The following PRDM5 variants were observed in gnomAD, a reference collection of about 807,000 sequenced individuals.
PRDM5 encodes PR domain zinc finger protein 5.
PRDM5 carries 56 observed loss-of-function variants against 81.2 expected under a neutral mutation model. The ratio of observed to expected loss-of-function variants is 0.69; its 90% CI spans 0.56 to 0.86. The LOEUF is 0.86. PRDM5 is among the 40% of genes least tolerant of loss of function. The pLI, the probability that PRDM5 is intolerant of heterozygous loss-of-function variation, is 0.00. For synonymous variants in PRDM5, 267 were observed against 256.4 expected (o/e 1.04, Z -0.39); for missense variants, 697 against 770.1 (o/e 0.91, Z 1.12).
chr4:120,853,491 G>T lies in PRDM5; in HGVS notation c.227C>A (p.Pro76Gln). The T allele has an allele frequency of 6.2e-7, 1 of 1,613,734 alleles. No individual in the cohort carries two copies. The highest frequency in any genetic ancestry group is 1.3e-5 in the African/African-American group (1 of 74,974). The change falls in exon 3 of 16, where the codon CCA (proline) becomes CAA (glutamine). Residue 76 changes from proline (P) to glutamine (Q), a missense_variant. By Grantham distance (76) the Pro-to-Gln change is moderately conservative. Around this residue, in one of 3 missense-constraint regions of PRDM5, gnomAD observed 577 missense variants for 606.7 expected, o/e 0.95. Transcript: ENST00000264808. ...GAAGCGAAGCCAGTTGGAGTGCCGT[G>T]GGTTGGTAGCATCCAAAATGTACAA... ...EVLYILDATN[P>Q]RHSNWLRFVH...
At chr4:120,843,146 A>G (rs916399966) in intron 3 of PRDM5, among the ~76,000 whole-genome samples, 1 of 152,104 alleles carries the variant, frequency 6.6e-6, no homozygotes, top group Non-Finnish European at 1.5e-5. Context: ...AGCCTGGCCA[A>G]CGTAGCTGGT....
At chr4:120,842,928 TATG>T (rs964906119) in intron 3 of PRDM5, among the ~76,000 whole-genome samples, 25 of 152,228 alleles carry the variant, frequency 1.6e-4, no homozygotes, top group African/African-American at 5.5e-4. Flanking sequence ...GGAAAGAATA[TATG>T]AGCCCCATAA....
intron 11 of PRDM5, among the ~76,000 whole-genome samples, chr4:120,782,890 C>A (rs1749243274): frequency 6.6e-6 from 1 of 152,042 alleles, no homozygotes. Context: ...ATGTTGGTCC[C>A]TGTACAAAAT....
chr4:120,876,887 T>G (rs1013184568), intron 2 of PRDM5, among the ~76,000 whole-genome samples: 2 of 152,004 alleles, frequency 1.3e-5, no homozygotes, highest in African/African-American at 4.8e-5. Flanking sequence ...TGACAAAAAT[T>G]TACAATGTGG....
rs1734284286 is a variant in PRDM5 at position 120,694,206 on chromosome 4, C to T, written c.*905G>A. On this transcript the variant is annotated 3_prime_UTR_variant, in exon 16 of 16. Coordinates refer to ENST00000264808, the MANE Select transcript of PRDM5 (RefSeq NM_018699.4). Reference sequence around the variant, plus strand: ...GAGAGGGGAAAGGGCTATGTTCATCCTAACAAATGTGGAGATGCCACTATT... The same window carrying T: ...GAGAGGGGAAAGGGCTATGTTCATCTTAACAAATGTGGAGATGCCACTATT... 1 of 152,086 alleles carries T rather than the reference C, an allele frequency of 6.6e-6. No individual in the cohort carries two copies. The highest frequency in any genetic ancestry group is 2.1e-4 in the South Asian group (1 of 4,834). 9.4% of individuals were successfully genotyped at this position (152,086 alleles called of 1,614,324 possible). A position where few individuals can be genotyped will look rare whatever the true frequency, so the allele number is the denominator to read the frequency against.
At chr4:120,712,325 A>G (rs1737124291) in intron 14 of PRDM5, among the ~76,000 whole-genome samples, 3 of 152,220 alleles carry the variant, frequency 2.0e-5, no homozygotes, top group African/African-American at 7.2e-5. Flanking sequence ...GAGATAGTGT[A>G]TGCATGTTTC....
At chr4:120,796,267 T>C (rs1200291490) in intron 10 of PRDM5, among the ~76,000 whole-genome samples, 1 of 152,230 alleles carries the variant, frequency 6.6e-6, no homozygotes, top group Non-Finnish European at 1.5e-5. Context: ...CATGTAACAA[T>C]GCCAAATATA....
chr4:120,884,674 T>G (rs542903701), intron 2 of PRDM5, among the ~76,000 whole-genome samples: 11 of 152,258 alleles, frequency 7.2e-5, no homozygotes, highest in African/African-American at 2.6e-4. Flanking sequence ...AAATAACAAA[T>G]GTGTTCATTT....
chr4:120,741,117 C>T, intron 14 of PRDM5, among the ~76,000 whole-genome samples: 1 of 152,082 alleles, frequency 6.6e-6, no homozygotes, highest in Admixed American at 6.5e-5. Flanking sequence ...CATCTGTTTC[C>T]TAAGCTTTTT....
chr4:120,897,910 C>T (rs1283060945), intron 2 of PRDM5, among the ~76,000 whole-genome samples: 1 of 152,184 alleles, frequency 6.6e-6, no homozygotes, highest in Non-Finnish European at 1.5e-5. Flanking sequence ...CTGCCAACTC[C>T]AATCAACATT....
intron 8 of PRDM5, among the ~76,000 whole-genome samples, chr4:120,806,808 A>G (rs1172065401): frequency 6.6e-6 from 1 of 152,214 alleles, no homozygotes; most frequent in Non-Finnish European, 1.5e-5. Context: ...TCATCTCTAA[A>G]ACACCAAAAG....
chr4:120,810,382 G>C (rs918834004), intron 8 of PRDM5: 2 of 152,100 alleles, frequency 1.3e-5, no homozygotes, highest in Non-Finnish European at 2.9e-5. Context: ...AAGCCATAAG[G>C]GTGAGGGGGA....
At chr4:120,872,971 G>A (rs1258260410) in intron 2 of PRDM5, among the ~76,000 whole-genome samples, 3 of 151,796 alleles carry the variant, frequency 2.0e-5, no homozygotes, top group African/African-American at 7.3e-5. Context: ...AGTTAAGATG[G>A]TAAATTTTAT....
chr4:120,835,389 T>C (rs1757227900), intron 3 of PRDM5, among the ~76,000 whole-genome samples: 1 of 152,186 alleles, frequency 6.6e-6, no homozygotes, highest in African/African-American at 2.4e-5. Context: ...TATGCCTGTG[T>C]GCATGCATGT....
intron 3 of PRDM5, among the ~76,000 whole-genome samples, chr4:120,828,452 G>C (rs183405438): frequency 5.1e-4 from 78 of 152,098 alleles, no homozygotes; most frequent in African/African-American, 1.9e-3. Context: ...AGCCAATCTA[G>C]AACCTGAGGC....
intron 2 of PRDM5, among the ~76,000 whole-genome samples, chr4:120,874,331 T>G (rs957462321): frequency 6.6e-6 from 1 of 152,194 alleles, no homozygotes; most frequent in Non-Finnish European, 1.5e-5. Flanking sequence ...ATGACTTTAA[T>G]CACACATTAA....
intron 8 of PRDM5, among the ~76,000 whole-genome samples, chr4:120,804,890 C>A (rs1452202792): frequency 3.3e-5 from 5 of 152,012 alleles, no homozygotes; most frequent in African/African-American, 1.2e-4. Flanking sequence ...AAAAACCCTT[C>A]AAAAAATCAA....
intron 5 of PRDM5, 47 bp from the exon 6 acceptor site, chr4:120,816,971 A>T (rs369222514): frequency 1.4e-6 from 2 of 1,426,088 alleles, no homozygotes; most frequent in Non-Finnish European, 2.0e-6. Context: ...CAAAAACTGG[A>T]ACTCTAAGAC....
intron 3 of PRDM5, among the ~76,000 whole-genome samples, chr4:120,851,271 CA>C (rs1182968766): frequency 1.3e-5 from 2 of 151,866 alleles, no homozygotes; most frequent in Non-Finnish European, 2.9e-5. Flanking sequence ...GAGAACCTAC[CA>C]AAACAATGGG....
Sources: gnomAD v4.1 joint callset for allele counts (sites outside exome capture counted in the v4.1 genomes callset) on GRCh38, gnomAD v4.1.1 for gene constraint, gnomAD v4.1.1 regional missense constraint, MANE v1.5 for transcripts, NCBI Gene and HGNC (gene_info 2026-07-23, HGNC 2026-07-21) for gene names.